CNTNAP3: variants seen among roughly 807,000 people sequenced by gnomAD.
CNTNAP3 encodes the protein contactin associated protein family member 3, also known as contactin-associated protein-like 3.
Under a neutral mutation model 92.1 loss-of-function variants are expected in CNTNAP3, and 36 were observed. That is an observed-to-expected ratio of 0.39 (90% CI 0.30 to 0.52). The LOEUF is 0.52. Ranked by LOEUF, CNTNAP3 falls within the 20% of genes least tolerant of loss-of-function variation. The pLI is 0.76. For missense variants in CNTNAP3, 534 were observed against 1,069.6 expected (o/e 0.50, Z 6.98); for synonymous variants, 232 against 422.3 (o/e 0.55, Z 5.53).
chr9:39,126,280 C>T (rs1821150624), intron 13 of CNTNAP3, among the ~76,000 whole-genome samples: 1 of 152,082 alleles, frequency 6.6e-6, no homozygotes, highest in South Asian at 2.1e-4. Flanking sequence ...TCGAGAGAAA[C>T]AAAATTTTTT....
At chr9:39,089,418 A>C (rs1286434932) in intron 18 of CNTNAP3, among the ~76,000 whole-genome samples, 1 of 152,176 alleles carries the variant, frequency 6.6e-6, no homozygotes, top group Non-Finnish European at 1.5e-5. Context: ...ATTTCATTGG[A>C]TGTAAATAGT....
chr9:39,127,397 A>G (rs537470672), intron 13 of CNTNAP3, among the ~76,000 whole-genome samples: 1 of 152,176 alleles, frequency 6.6e-6, no homozygotes, highest in East Asian at 1.9e-4. Flanking sequence ...ATTAACTCAT[A>G]CAAGCTGAAG....
At position 39,087,761 on chromosome 9, in the gene CNTNAP3, C is replaced by T. The variant is rs532966841; in HGVS notation, c.3220+662G>A. On this transcript the variant is annotated intron_variant, in intron 19 of 23. Coordinates refer to ENST00000297668, the MANE Select transcript of CNTNAP3 (RefSeq NM_033655.5). ...TTGGCCTCCCAAAGTGCTGCGATTA[C>T]AGGCGTGAGCCACCACATCCAGCCT... Among the ~76,000 whole-genome samples, 228 of 151,788 alleles carry T rather than the reference C, an allele frequency of 1.5e-3. 1 individual carries two copies. Among genetic ancestry groups the T allele is most frequent in the Middle Eastern group, 6.9e-3 (2 of 290 alleles).
intron 12 of CNTNAP3, among the ~76,000 whole-genome samples, chr9:39,138,630 T>G (rs1293140864): frequency 1.3e-5 from 2 of 152,210 alleles, no homozygotes; most frequent in African/African-American, 4.8e-5. Flanking sequence ...ACATTCACTG[T>G]GAGAACCTGG....
intron 9 of CNTNAP3, chr9:39,159,411 A>ATTT (rs1554651724): frequency 2.6e-4 from 33 of 129,346 alleles, no homozygotes; most frequent in African/African-American, 9.0e-4. Flanking sequence ...ATATATATAT[A>ATTT]TTTTTTTTTC....
chr9:39,117,595 T>C (rs1483871944), intron 14 of CNTNAP3, among the ~76,000 whole-genome samples: 1 of 152,206 alleles, frequency 6.6e-6, no homozygotes, highest in East Asian at 1.9e-4. Context: ...AGCTTTGCTA[T>C]TGCACTGAAG....
At chr9:39,117,238 T>C (rs1820880728) in intron 14 of CNTNAP3, among the ~76,000 whole-genome samples, 6 of 152,068 alleles carry the variant, frequency 3.9e-5, no homozygotes, top group Admixed American at 3.9e-4. Flanking sequence ...GTGATCCACC[T>C]GCCTTGGCCT....
intron 18 of CNTNAP3, among the ~76,000 whole-genome samples, chr9:39,098,445 C>T (rs1404547801): frequency 3.9e-5 from 6 of 151,950 alleles, no homozygotes; most frequent in African/African-American, 1.5e-4. Flanking sequence ...ATTAGGTAAT[C>T]TAACTATAAC....
chr9:39,124,710 C>G (rs958374012), intron 13 of CNTNAP3, among the ~76,000 whole-genome samples: 53 of 152,176 alleles, frequency 3.5e-4, no homozygotes, highest in African/African-American at 1.2e-3. Flanking sequence ...TATGAACAGA[C>G]ACTTCTCAAA....
At chr9:39,121,552 G>C (rs2778182) in intron 13 of CNTNAP3, among the ~76,000 whole-genome samples, 40 of 152,196 alleles carry the variant, frequency 2.6e-4, no homozygotes, top group South Asian at 6.2e-4. Flanking sequence ...GCAGAGACAA[G>C]TGAAAACAGC....
At position 39,237,935 on chromosome 9, in the gene CNTNAP3, CTTATTA is replaced by C. The variant is rs757149433; in HGVS notation, c.390+1052_390+1057del. ...ACTTTCAAACACTATGTAATAAATA[CTTATTA>C]TTATTATTATTATTATTATTATTGA... On this transcript the variant is annotated intron_variant, in intron 3 of 23. Coordinates refer to ENST00000297668, the MANE Select transcript of CNTNAP3 (RefSeq NM_033655.5). Among the ~76,000 whole-genome samples, 27 of 3,294 alleles carry C rather than the reference CTTATTA, an allele frequency of 8.2e-3. 5 individuals carry two copies. In the Non-Finnish European group the frequency reaches 0.13, roughly 16 times the overall value. 2.2% of individuals were successfully genotyped at this position (3,294 alleles called of 152,430 possible). A position where few individuals can be genotyped will look rare whatever the true frequency, so the allele number is the denominator to read the frequency against.
At position 39,105,338 on chromosome 9, in the gene CNTNAP3, A is replaced by T. The variant is rs1826577650; in HGVS notation, c.2366-1424T>A. Among the ~76,000 whole-genome samples, 7 of 152,230 alleles carry T rather than the reference A, an allele frequency of 4.6e-5. No homozygotes were observed. In the South Asian group the frequency reaches 1.5e-3, roughly 32 times the overall value. ...GCTACTCGGGAGGCTGAGGCAGGAG[A>T]ATGGAGTGAACCCGGGAGGCGGAGC... On this transcript the variant is annotated intron_variant, in intron 15 of 23. Transcript: ENST00000297668.
At chr9:39,148,463 G>A (rs7044483) in intron 10 of CNTNAP3, among the ~76,000 whole-genome samples, 2,562 of 151,568 alleles carry the variant, frequency 0.017, 83 homozygotes, top group African/African-American at 0.058. Flanking sequence ...AAACAGAATT[G>A]ACTAACTGAA....
At chr9:39,079,127 T>A (rs1292505235) in intron 21 of CNTNAP3, among the ~76,000 whole-genome samples, 1 of 152,068 alleles carries the variant, frequency 6.6e-6, no homozygotes, top group Non-Finnish European at 1.5e-5. Flanking sequence ...GAAAGGCAGG[T>A]TTTTAACAGA....
chr9:39,143,473 T>A (rs1390252328), intron 11 of CNTNAP3, among the ~76,000 whole-genome samples: 2 of 152,004 alleles, frequency 1.3e-5, no homozygotes, highest in Non-Finnish European at 2.9e-5. Context: ...TTAGCTCAAC[T>A]CCTCATCTTC....
At chr9:39,119,008 T>G (rs1187477466) in intron 13 of CNTNAP3, among the ~76,000 whole-genome samples, 1 of 152,038 alleles carries the variant, frequency 6.6e-6, no homozygotes. Flanking sequence ...GAGTGAAGAT[T>G]GGGGTGATGG....
chr9:39,135,266 A>G (rs937258498), intron 12 of CNTNAP3, among the ~76,000 whole-genome samples: 9 of 152,128 alleles, frequency 5.9e-5, no homozygotes, highest in Admixed American at 3.3e-4. Flanking sequence ...TATAACCCTT[A>G]TATTTTTCTT....
chr9:39,079,147 G>C (rs1473094134), intron 21 of CNTNAP3, among the ~76,000 whole-genome samples: 4 of 152,146 alleles, frequency 2.6e-5, no homozygotes, highest in Non-Finnish European at 4.4e-5. Context: ...ATTCGTTCAA[G>C]TGCAGATGGC....
intron 13 of CNTNAP3, among the ~76,000 whole-genome samples, chr9:39,122,859 G>T (rs1021610011): frequency 1.3e-5 from 2 of 152,098 alleles, no homozygotes; most frequent in East Asian, 1.9e-4. Flanking sequence ...CATGCAAGAA[G>T]AGATAGGTAC....
Sources: gnomAD v4.1 joint callset for allele counts (sites outside exome capture counted in the v4.1 genomes callset) on GRCh38, gnomAD v4.1.1 for gene constraint, MANE v1.5 for transcripts, NCBI Gene and HGNC (gene_info 2026-07-23, HGNC 2026-07-21) for gene names.